DLG2: variants seen among roughly 807,000 people sequenced by gnomAD.
DLG2 encodes disks large homolog 2.
DLG2 carries 45 observed loss-of-function variants against 132.5 expected under a neutral mutation model. The ratio of observed to expected loss-of-function variants is 0.34; its 90% confidence interval spans 0.27 to 0.44. DLG2 has a LOEUF of 0.44. Ranked by LOEUF, DLG2 falls within the 20% of genes least tolerant of loss-of-function variation. The probability of loss-of-function intolerance (pLI) is 1.00; values close to 1 mark genes in which losing one functional copy is unlikely to be tolerated. For synonymous variants in DLG2, 424 were observed against 419.6 expected, an observed-to-expected ratio of 1.01 and a Z score of -0.13; for missense variants, 1,045 against 1,196.9, an observed-to-expected ratio of 0.87 and a Z score of 1.87.
chr11:85,035,438 A>C (rs2061360271), intron 6 of DLG2, among the ~76,000 whole-genome samples: 1 of 152,182 alleles, frequency 6.6e-6, no homozygotes, highest in South Asian at 2.1e-4. Context: ...ATCATGGCAG[A>C]AGGTGAAGGG....
chr11:85,230,320 G>A (rs1037601040), intron 4 of DLG2, among the ~76,000 whole-genome samples: 1 of 151,374 alleles, frequency 6.6e-6, no homozygotes, highest in Non-Finnish European at 1.5e-5. Context: ...TTTATTTTTT[G>A]TGTAGATCTA....
At chr11:84,541,389 C>T (rs955309657) in intron 6 of DLG2, among the ~76,000 whole-genome samples, 13 of 151,914 alleles carry the variant, frequency 8.6e-5, no homozygotes, top group Non-Finnish European at 1.5e-4. Context: ...CTTAACCCTG[C>T]CCCCAACCCC....
intron 17 of DLG2, among the ~76,000 whole-genome samples, chr11:83,798,713 T>G (rs953453649): frequency 6.6e-6 from 1 of 152,132 alleles, no homozygotes; most frequent in African/African-American, 2.4e-5. Flanking sequence ...AAGAAATTGG[T>G]GTAGGATCCA....
chr11:84,379,014 G>T lies in DLG2; in HGVS notation c.520-127723C>A, dbSNP rs1379284145. Among the ~76,000 whole-genome samples, 3 of 150,726 alleles carry T rather than the reference G, an allele frequency of 2.0e-5. 1 individual carries two copies. The highest frequency in any genetic ancestry group is 2.0e-4 in the Admixed American group (3 of 15,094). On this transcript the variant is annotated intron_variant, in intron 7 of 27. Coordinates refer to ENST00000376104, the MANE Select transcript of DLG2 (RefSeq NM_001142699.3). ...ATAACAAAAAAAAAAAGAGTGTAAA[G>T]TTGTCCCCAGGTGTCTGGAAGAAAC...
intron 4 of DLG2, among the ~76,000 whole-genome samples, chr11:85,233,858 T>C (rs1018123660): frequency 2.0e-5 from 3 of 151,850 alleles, no homozygotes; most frequent in Admixed American, 1.3e-4. Flanking sequence ...TGGGGAAATA[T>C]GTGTTGCAGC....
At chr11:84,638,809 G>A (rs1565524688) in intron 6 of DLG2, among the ~76,000 whole-genome samples, 1 of 152,140 alleles carries the variant, frequency 6.6e-6, no homozygotes, top group Non-Finnish European at 1.5e-5. Context: ...ATGTGTGTGT[G>A]TTCAGCAAAT....
At chr11:85,094,122 G>C (rs754796138) in intron 6 of DLG2, among the ~76,000 whole-genome samples, 1 of 152,142 alleles carries the variant, frequency 6.6e-6, no homozygotes, top group Non-Finnish European at 1.5e-5. Flanking sequence ...TTGGAATTAT[G>C]GCTTTCAGAA....
At chr11:85,561,743 T>G (rs2077261078) in intron 3 of DLG2, among the ~76,000 whole-genome samples, 1 of 151,912 alleles carries the variant, frequency 6.6e-6, no homozygotes, top group Non-Finnish European at 1.5e-5. Flanking sequence ...AATCACAAAC[T>G]GGTACAGTTC....
intron 12 of DLG2, among the ~76,000 whole-genome samples, chr11:83,977,392 G>C (rs942221190): frequency 2.0e-5 from 3 of 151,972 alleles, no homozygotes; most frequent in African/African-American, 4.8e-5. Context: ...CTAGTCAGTT[G>C]CCTCCACCTT....
intron 7 of DLG2, among the ~76,000 whole-genome samples, chr11:84,454,877 G>C (rs1422562689): frequency 6.6e-6 from 1 of 151,290 alleles, no homozygotes; most frequent in Non-Finnish European, 1.5e-5. Flanking sequence ...GGAACTTTAG[G>C]GGATGATGGA....
chr11:84,203,875 TG>T (rs1346925054), intron 8 of DLG2, among the ~76,000 whole-genome samples: 5 of 152,206 alleles, frequency 3.3e-5, no homozygotes, highest in Non-Finnish European at 5.9e-5. Flanking sequence ...CAAACCACCA[TG>T]GCACACATCT....
In DLG2 at chr11:84,502,390, CTT is replaced by C. The variant is rs1254571334; in HGVS notation, c.519+32178_519+32179del. The stretch of plus-strand genomic sequence containing the variant: ...TCTTTCTTTCTTTCTTTCTTTCTTT[CTT>C]TCTTTCTTTCTTTCTTTCTTTCTAT... On this transcript the variant is annotated intron_variant, in intron 7 of 27. Coordinates refer to ENST00000376104, the MANE Select transcript of DLG2 (RefSeq NM_001142699.3). Among the ~76,000 whole-genome samples, 362 of 91,440 alleles carry C rather than the reference CTT, an allele frequency of 4.0e-3. 3 individuals carry two copies. The highest frequency in any genetic ancestry group is 9.4e-3 in the South Asian group (29 of 3,090). The allele number at this position is 91,440 out of a possible 152,430, so 60.0% of individuals were successfully genotyped here. A position where few individuals can be genotyped will look rare whatever the true frequency, so the allele number is the denominator to read the frequency against.
At chr11:84,708,270 C>T (rs562593708) in intron 6 of DLG2, among the ~76,000 whole-genome samples, 81 of 151,882 alleles carry the variant, frequency 5.3e-4, no homozygotes, top group African/African-American at 1.9e-3. Context: ...AACTAGTTTA[C>T]GAAGGCTTTC....
At chr11:84,287,817 G>T (rs2097927655) in intron 7 of DLG2, among the ~76,000 whole-genome samples, 1 of 151,230 alleles carries the variant, frequency 6.6e-6, no homozygotes. Flanking sequence ...GAAGGAGAAG[G>T]TGTCATTAAT....
At chr11:85,114,108 C>T (rs2073185498) in intron 5 of DLG2, among the ~76,000 whole-genome samples, 3 of 151,956 alleles carry the variant, frequency 2.0e-5, no homozygotes, top group Admixed American at 2.0e-4. Context: ...ATCAGGGAAC[C>T]TACCACAGCA....
rs552466810 is a variant in DLG2, at chr11:84,520,028, T to C, written c.519+14542A>G. Among the ~76,000 whole-genome samples the C allele has an allele frequency of 4.6e-5, 7 of 152,318 alleles. No homozygotes were observed. The South Asian group carries it at 1.5e-3, about 32-fold the overall frequency. On this transcript the variant is annotated intron_variant, in intron 7 of 27. Transcript: ENST00000376104. Reference sequence around the variant, plus strand: ...TTGAAAATACTATTCAACATTCTCTTTCCTGAATCATCTCTACAATATCTC... The same window carrying C: ...TTGAAAATACTATTCAACATTCTCTCTCCTGAATCATCTCTACAATATCTC...
chr11:84,531,708 G>A (rs1008806527), intron 7 of DLG2, among the ~76,000 whole-genome samples: 1 of 152,116 alleles, frequency 6.6e-6, no homozygotes, highest in Admixed American at 6.5e-5. Flanking sequence ...TAGGACCATG[G>A]TGTTTTATCC....
At chr11:84,273,353 T>G in intron 7 of DLG2, 1 of 1,320,570 alleles carries the variant, frequency 7.6e-7, no homozygotes, top group Non-Finnish European at 9.6e-7. Flanking sequence ...TTACATAAAC[T>G]TCTTAATTAG....
intron 3 of DLG2, among the ~76,000 whole-genome samples, chr11:85,482,054 G>A (rs541761664): frequency 6.6e-6 from 1 of 151,728 alleles, no homozygotes; most frequent in East Asian, 2.0e-4. Context: ...ATGACCTGCA[G>A]AATCAGGCTC....
Sources: gnomAD v4.1 joint callset for allele counts (sites outside exome capture counted in the v4.1 genomes callset) on GRCh38, gnomAD v4.1.1 for gene constraint, MANE v1.5 for transcripts, NCBI Gene and HGNC (gene_info 2026-07-23, HGNC 2026-07-21) for gene names.